The following ABLIM2 variants were observed in gnomAD, a reference collection of about 807,000 sequenced individuals.
ABLIM2 encodes the protein actin binding LIM protein family member 2, also known as actin-binding LIM protein 2.
A neutral mutation model predicts 97.7 loss-of-function variants in ABLIM2; 53 were observed. The observed-to-expected ratio is 0.54, with a 90% CI of 0.44 to 0.68. The LOEUF (loss-of-function observed/expected upper bound fraction) is 0.68. Ranked by LOEUF, ABLIM2 falls within the 30% of genes least tolerant of loss-of-function variation. The pLI, the probability that ABLIM2 is intolerant of heterozygous loss-of-function variation, is 0.00. For synonymous variants in ABLIM2, 361 were observed against 345.8 expected, an observed-to-expected ratio of 1.04 and a Z score of -0.49; for missense variants, 835 against 867.2, an observed-to-expected ratio of 0.96 and a Z score of 0.47.
At chr4:8,036,651 CG>C (rs1784658021) in intron 9 of ABLIM2, among the ~76,000 whole-genome samples, 1 of 152,214 alleles carries the variant, frequency 6.6e-6, no homozygotes, top group Admixed American at 6.5e-5. Flanking sequence ...GTAGGCCTTG[CG>C]GAAGTGTCTT....
rs1172911604 is a variant in ABLIM2 at position 8,130,151 on chromosome 4, G to T, written c.11-23514C>A. 6.6e-6 allele frequency among the ~76,000 whole-genome samples: 1 copy of T among 152,188 alleles called. No individual in the cohort carries two copies. The highest frequency in any genetic ancestry group is 1.5e-5 in the Non-Finnish European group (1 of 68,028). On this transcript the variant is annotated intron_variant, in intron 1 of 20. Coordinates refer to ENST00000447017, the MANE Select transcript of ABLIM2 (RefSeq NM_001130083.2). The surrounding 1 kb of genome is among the most constrained non-coding windows in gnomAD (Gnocchi z 4.2). ...GAAAGGCCCTGGTGGTCTCAGCCTG[G>T]AAGGGGAACACTCAAGTCTTGAAGG... is the stretch of plus-strand genomic sequence containing the variant.
chr4:7,985,891 T>A (rs1343952275), intron 17 of ABLIM2, among the ~76,000 whole-genome samples: 1 of 152,164 alleles, frequency 6.6e-6, no homozygotes, highest in African/African-American at 2.4e-5. Context: ...TATGGAGGGT[T>A]CCCCAACCTG....
At chr4:8,060,734 T>C (rs1466327359) in intron 7 of ABLIM2, among the ~76,000 whole-genome samples, 1 of 152,154 alleles carries the variant, frequency 6.6e-6, no homozygotes, top group Non-Finnish European at 1.5e-5. Context: ...TCGGCCCTTT[T>C]CCTTTCTTGC....
chr4:7,980,717 AG>A (rs1737362337), intron 20 of ABLIM2, among the ~76,000 whole-genome samples: 1 of 141,622 alleles, frequency 7.1e-6, no homozygotes, highest in Non-Finnish European at 1.6e-5. Flanking sequence ...TCTGTCTCAA[AG>A]AAAAAAAAAA....
At position 8,123,320 on chromosome 4, in the gene ABLIM2, AG is replaced by A. The variant is rs566829291; in HGVS notation, c.11-16684del. Among the ~76,000 whole-genome samples the A allele has an allele frequency of 8.5e-5, 13 of 152,274 alleles. No individual in the cohort carries two copies. The East Asian group carries it at 2.5e-3, about 29-fold the overall frequency. ...CGTTGTCACCCTCAGGCTGCAGGCA[AG>A]GGAACCCCATCTCAGAGATGCTCAG... On this transcript the variant is annotated intron_variant, in intron 1 of 20. Coordinates refer to ENST00000447017, the MANE Select transcript of ABLIM2 (RefSeq NM_001130083.2). This position sits in a 1 kb window ranked among gnomAD's most constrained non-coding sequence, Gnocchi z 6.2.
chr4:7,990,374 T>C (rs1344434927), intron 17 of ABLIM2, among the ~76,000 whole-genome samples: 1 of 152,064 alleles, frequency 6.6e-6, no homozygotes, highest in Non-Finnish European at 1.5e-5. Context: ...ATTTTTGTAT[T>C]TTTAGTAGAG....
At chr4:8,143,027 T>C (rs1211729203) in intron 1 of ABLIM2, among the ~76,000 whole-genome samples, 1 of 152,160 alleles carries the variant, frequency 6.6e-6, no homozygotes, top group African/African-American at 2.4e-5. Context: ...TCTTCCCATC[T>C]GCAAAGGCCC....
At chr4:8,139,925 A>T (rs948142360) in intron 1 of ABLIM2, among the ~76,000 whole-genome samples, 2 of 152,172 alleles carry the variant, frequency 1.3e-5, no homozygotes, top group Non-Finnish European at 2.9e-5. Context: ...GCAGCCATAA[A>T]AAAGGAAAGA....
rs1308820744 is a variant in ABLIM2 at position 8,020,254 on chromosome 4, G to A, written c.1317C>T (p.Ser439=). The A allele has an allele frequency of 6.2e-7, 1 of 1,613,848 alleles. No individual in the cohort carries two copies. The change falls in exon 13 of 21, where the codon AGC becomes AGT. Residue 439 remains serine (S), a synonymous_variant. Transcript: ENST00000447017. ...GCTGGTAGGTGGAGGGGGGCGGCTT[G>A]CTGTCAGAGAGCACGGAGAGGCTGG... ...STPSLSVLSD[S]KPPPSTYQQA...
chr4:8,007,342 C>T (rs530689812), intron 16 of ABLIM2: 25 of 985,326 alleles, frequency 2.5e-5, no homozygotes, highest in South Asian at 4.7e-5. Context: ...TCTGCTCTCA[C>T]ACCCCCATCC....
Position 8,077,676 on chromosome 4 carries a change from G to A in ABLIM2, c.627C>T (p.Gly209=), listed in dbSNP as rs1817145737. The A allele has an allele frequency of 6.2e-7, 1 of 1,613,102 alleles. No homozygotes were observed. Among genetic ancestry groups the A allele is most frequent in the Non-Finnish European group, 8.5e-7 (1 of 1,179,572 alleles). ...ATTTCTCACAGCTGTCACAGCGGATGCCGAACTTGGCGTGATAGTCAGCTT... is the reference window on the plus strand; with the variant it reads ...ATTTCTCACAGCTGTCACAGCGGATACCGAACTTGGCGTGATAGTCAGCTT... ...YCEADYHAKF[G]IRCDSCEKYI... The change falls in exon 6 of 21, where the codon GGC becomes GGT. Residue 209 remains glycine, a synonymous_variant. Transcript: ENST00000447017.
intron 20 of ABLIM2, among the ~76,000 whole-genome samples, chr4:7,968,825 G>T (rs986866567): frequency 2.0e-4 from 30 of 152,178 alleles, no homozygotes; most frequent in Non-Finnish European, 1.5e-5. Flanking sequence ...ACACTGAACT[G>T]TACTGAATGG....
In ABLIM2 at chr4:8,004,251, C is replaced by T. The variant is rs1033824379; in HGVS notation, c.1618+3808G>A. 7.9e-5 allele frequency among the ~76,000 whole-genome samples: 12 copies of T among 151,928 alleles called. No homozygotes were observed. Among genetic ancestry groups the T allele is most frequent in the Non-Finnish European group, 1.5e-4 (10 of 68,014 alleles). ...CATGGGACTCCGCCCGGTCCCACAG[C>T]GAGAGGACACACAGAAAGTGACAGA... On this transcript the variant is annotated intron_variant, in intron 16 of 20. Transcript: ENST00000447017. This position sits in a 1 kb window ranked among gnomAD's most constrained non-coding sequence, Gnocchi z 5.9.
At position 7,966,709 on chromosome 4, in the gene ABLIM2, G is replaced by C. The variant is rs1723126391; in HGVS notation, c.*281C>G. On this transcript the variant is annotated 3_prime_UTR_variant, in exon 21 of 21. Coordinates refer to ENST00000447017, the MANE Select transcript of ABLIM2 (RefSeq NM_001130083.2). ...AAGGTGGGCTGGGCTGCAGCCACCT[G>C]TGTGCTCCATCTGATGCCCGACACA... 2 of 428,428 alleles carry C rather than the reference G, an allele frequency of 4.7e-6. No homozygotes were observed. The highest frequency in any genetic ancestry group is 8.5e-6 in the Non-Finnish European group (2 of 236,388). The allele number at this position is 428,428 out of a possible 1,614,324, so 26.5% of individuals were successfully genotyped here. A position where few individuals can be genotyped will look rare whatever the true frequency, so the allele number is the denominator to read the frequency against.
intron 18 of ABLIM2, among the ~76,000 whole-genome samples, chr4:7,983,980 C>T (rs994007838): frequency 6.6e-6 from 1 of 152,254 alleles, no homozygotes; most frequent in Admixed American, 6.5e-5. Flanking sequence ...CTCTCACCGT[C>T]TTACCTTATT....
chr4:8,009,231 G>GC, intron 14 of ABLIM2, 129 bp from the exon 15 acceptor site: 1 of 1,120,938 alleles, frequency 8.9e-7, no homozygotes, highest in Non-Finnish European at 1.3e-6. Context: ...TAGTACGAGT[G>GC]CCTTTCAAAG....
In ABLIM2 at chr4:8,032,110, T is replaced by C. The variant is rs1031816930; in HGVS notation, c.1048-2334A>G. Among the ~76,000 whole-genome samples, 61 of 151,822 alleles carry C rather than the reference T, an allele frequency of 4.0e-4. No individual in the cohort carries two copies. The highest frequency in any genetic ancestry group is 1.3e-3 in the African/African-American group (55 of 41,360). On this transcript the variant is annotated intron_variant, in intron 10 of 20. Coordinates refer to ENST00000447017, the MANE Select transcript of ABLIM2 (RefSeq NM_001130083.2). This position sits in a 1 kb window ranked among gnomAD's most constrained non-coding sequence, Gnocchi z 4.3. ...CCAGGCTGTCTATTCCTGGCTACCA[T>C]GACACCTTTCTGCTGTGGCCACCCG...
rs767636185 is a variant in ABLIM2 at position 8,043,106 on chromosome 4, C to T, written c.900+2058G>A. ...GGTTGAGGCTGCCATGAGCCATGAT[C>T]TCACCACTGCACTCCAGCCTGGGCG... On this transcript the variant is annotated intron_variant, in intron 9 of 20. Transcript: ENST00000447017. This position sits in a 1 kb window ranked among gnomAD's most constrained non-coding sequence, Gnocchi z 4.8. Among the ~76,000 whole-genome samples, 11 of 151,244 alleles carry T rather than the reference C, an allele frequency of 7.3e-5. No individual in the cohort carries two copies. Among genetic ancestry groups the T allele is most frequent in the Non-Finnish European group, 1.6e-4 (11 of 67,808 alleles).
chr4:8,082,838 T>C lies in ABLIM2; in HGVS notation c.455-2036A>G, dbSNP rs1267926113. Among the ~76,000 whole-genome samples the C allele has an allele frequency of 2.0e-5, 3 of 152,188 alleles. No homozygotes were observed. Among genetic ancestry groups the C allele is most frequent in the Admixed American group, 2.0e-4 (3 of 15,276 alleles). Reference sequence around the variant, plus strand: ...CCCCACATCACCCAATCTGCCGCGCTCCTTCCTGTGTCTCTGCAGAGTCAG... The same window carrying C: ...CCCCACATCACCCAATCTGCCGCGCCCCTTCCTGTGTCTCTGCAGAGTCAG... On this transcript the variant is annotated intron_variant, in intron 4 of 20. Transcript: ENST00000447017. The surrounding 1 kb of genome is among the most constrained non-coding windows in gnomAD (Gnocchi z 5.6).
Sources: allele counts gnomAD v4.1 joint callset (sites outside exome capture counted in the v4.1 genomes callset), GRCh38; gene constraint gnomAD v4.1.1; non-coding constraint Gnocchi (gnomAD v3.1); transcripts MANE v1.5; gene names NCBI Gene and HGNC (gene_info 2026-07-23, HGNC 2026-07-21).